RPAP1: variants seen among roughly 807,000 people sequenced by gnomAD.
The protein encoded by RPAP1 is RNA polymerase II associated protein 1, also known as RNA polymerase II-associated protein 1.
Under a neutral mutation model 142.4 loss-of-function variants are expected in RPAP1, and 109 were observed. The observed-to-expected ratio is 0.77, with a 90% CI of 0.66 to 0.90. RPAP1 has a LOEUF of 0.90. Ranked by LOEUF, RPAP1 falls within the 40% of genes least tolerant of loss-of-function variation. The pLI, the probability that RPAP1 is intolerant of heterozygous loss-of-function variation, is 0.00. For synonymous variants in RPAP1, 704 were observed against 738.9 expected, an observed-to-expected ratio of 0.95 and a Z score of 0.77; for missense variants, 1,546 against 1,751.7, an observed-to-expected ratio of 0.88 and a Z score of 2.10.
intron 1 of RPAP1, among the ~76,000 whole-genome samples, chr15:41,542,123 G>T (rs146104355): frequency 3.3e-5 from 5 of 152,268 alleles, no homozygotes; most frequent in East Asian, 3.9e-4. Context: ...GGTTCAAGGG[G>T]CTTACTGGGG....
At chr15:41,536,340 C>T (rs2051907005) in intron 3 of RPAP1, 122 bp from the exon 4 acceptor site, 1 of 1,298,380 alleles carries the variant, frequency 7.7e-7, no homozygotes, top group Non-Finnish European at 1.1e-6. Context: ...GGACCCTCCT[C>T]CCTTCAGGGC....
intron 1 of RPAP1, among the ~76,000 whole-genome samples, chr15:41,540,768 G>T (rs2051964743): frequency 6.6e-6 from 1 of 152,178 alleles, no homozygotes; most frequent in Admixed American, 6.5e-5. Flanking sequence ...TGGTGCCTGG[G>T]TGTCCTGGAA....
Position 41,529,537 on chromosome 15 carries a change from T to A in RPAP1, c.1091A>T (p.Glu364Val). The change falls in exon 9 of 25, where the codon GAA becomes GTA. Residue 364 changes from glutamate to valine, a missense_variant. Around this residue, in one of 3 missense-constraint regions of RPAP1, gnomAD observed 1,333 missense variants for 1,486.6 expected, o/e 0.90. Coordinates refer to ENST00000304330, the MANE Select transcript of RPAP1 (RefSeq NM_015540.4). Reference sequence around the variant, plus strand: ...CAGGTCCACGTCAGGGGCCAGTAGTTCTCCCTGAAGACTGAATCGAGCCTG... The same window carrying A: ...CAGGTCCACGTCAGGGGCCAGTAGTACTCCCTGAAGACTGAATCGAGCCTG... Reference protein sequence around the residue: ...RMQARFSLQGELLAPDVDLPT... With the variant: ...RMQARFSLQGVLLAPDVDLPT... 6.2e-7 allele frequency: 1 copy of A among 1,613,310 alleles called. No homozygotes were observed. Among genetic ancestry groups the A allele is most frequent in the Non-Finnish European group, 8.5e-7 (1 of 1,179,618 alleles).
rs540592502 is a variant in RPAP1, at chr15:41,538,176, G to A, written c.-76-975C>T. 1.4e-4 allele frequency among the ~76,000 whole-genome samples: 21 copies of A among 152,290 alleles called. No homozygotes were observed. The South Asian group carries it at 1.7e-3, about 12-fold the overall frequency. ...GAGAATGGCGTGAACCCGGGAGGCG[G>A]AGCTTGCAGTGATCTGAGATGGAGC... is the stretch of plus-strand genomic sequence containing the variant. On this transcript the variant is annotated intron_variant, in intron 1 of 24. Coordinates refer to ENST00000304330, the MANE Select transcript of RPAP1 (RefSeq NM_015540.4).
intron 1 of RPAP1, among the ~76,000 whole-genome samples, chr15:41,543,358 T>C (rs1419365189): frequency 1.3e-5 from 2 of 151,816 alleles, no homozygotes; most frequent in Non-Finnish European, 2.9e-5. Flanking sequence ...TACAGGCGCC[T>C]GCCACCACGC....
At chr15:41,529,592 G>A (rs765530901) in intron 8 of RPAP1, 24 bp from the exon 9 acceptor site, 3 of 1,541,180 alleles carry the variant, frequency 1.9e-6, no homozygotes, top group South Asian at 1.1e-5. Flanking sequence ...AAAGAGGACT[G>A]TGGTCTGGGG....
chr15:41,525,582 C>A, intron 14 of RPAP1, among the ~76,000 whole-genome samples: 2 of 152,002 alleles, frequency 1.3e-5, no homozygotes, highest in East Asian at 1.9e-4. Context: ...CGTGATTCAC[C>A]CACCTCGGCC....
chr15:41,525,595 C>T (rs1350645055), intron 14 of RPAP1, among the ~76,000 whole-genome samples: 2 of 152,008 alleles, frequency 1.3e-5, no homozygotes, highest in African/African-American at 2.4e-5. Flanking sequence ...CCTCGGCCTT[C>T]CAAAACGTTG....
Position 41,528,275 on chromosome 15 carries a change from C to A in RPAP1, c.1220G>T (p.Arg407Ile). 2 of 1,609,132 alleles carry A rather than the reference C, an allele frequency of 1.2e-6. No homozygotes were observed. The highest frequency in any genetic ancestry group is 2.2e-5 in the South Asian group (2 of 89,764). Reference sequence around the variant, plus strand: ...GGCTAACACATGCAGTGCCAGTGCTCTCTGCTGGGAAACCTGGCTGCGGGT... The same window carrying A: ...GGCTAACACATGCAGTGCCAGTGCTATCTGCTGGGAAACCTGGCTGCGGGT... ...HLTRSQVSQQ[R>I]ALALHVLAQV... The change falls in exon 10 of 25, where the codon AGA becomes ATA. Residue 407 changes from arginine to isoleucine, a missense_variant. Arg to Ile is a moderately conservative substitution (Grantham distance 97). This residue lies in a region of RPAP1 where 1,333 missense variants were observed against 1,486.6 expected (regional missense o/e 0.90). Coordinates refer to ENST00000304330, the MANE Select transcript of RPAP1 (RefSeq NM_015540.4).
intron 22 of RPAP1, chr15:41,519,778 C>T (rs2051704558): frequency 6.5e-6 from 1 of 153,518 alleles, no homozygotes; most frequent in South Asian, 2.0e-4. Context: ...TCTTTCCCTT[C>T]TCTGAATCCT....
Position 41,522,202 on chromosome 15 carries a change from A to G in RPAP1, c.2791T>C (p.Cys931Arg), listed in dbSNP as rs1254388487. The change falls in exon 20 of 25, where the codon TGT (cysteine) becomes CGT (arginine). Residue 931 changes from cysteine (C) to arginine (R), a missense_variant. This residue lies in a region of RPAP1 where 1,333 missense variants were observed against 1,486.6 expected (regional missense o/e 0.90). Coordinates refer to ENST00000304330, the MANE Select transcript of RPAP1 (RefSeq NM_015540.4). ...TGTGGGGCAGCCCCAGGAGCCACACACTGGAGGAAGTAATTCTGGAGTCCC... is the reference window on the plus strand; with the variant it reads ...TGTGGGGCAGCCCCAGGAGCCACACGCTGGAGGAAGTAATTCTGGAGTCCC... ...APGLQNYFLQ[C>R]VAPGAAPHLT... The G allele has an allele frequency of 6.2e-7, 1 of 1,614,100 alleles. No homozygotes were observed. Among genetic ancestry groups the G allele is most frequent in the East Asian group, 2.2e-5 (1 of 44,880 alleles).
chr15:41,541,406 G>C (rs1480946350), intron 1 of RPAP1, among the ~76,000 whole-genome samples: 1 of 144,388 alleles, frequency 6.9e-6, no homozygotes, highest in Non-Finnish European at 1.5e-5. Flanking sequence ...TTGGGTGACA[G>C]AGCTAGACTC....
At chr15:41,541,410 T>A (rs2051970882) in intron 1 of RPAP1, among the ~76,000 whole-genome samples, 1 of 125,244 alleles carries the variant, frequency 8.0e-6, no homozygotes, top group Admixed American at 8.8e-5. Flanking sequence ...GTGACAGAGC[T>A]AGACTCCATC....
intron 22 of RPAP1, 123 bp downstream of exon 22, chr15:41,520,268 C>T (rs1052055023): frequency 1.2e-5 from 13 of 1,091,486 alleles, no homozygotes; most frequent in African/African-American, 4.7e-5. Flanking sequence ...CTCTTAATCC[C>T]CTCAAAGCCC....
intron 6 of RPAP1, among the ~76,000 whole-genome samples, chr15:41,532,740 G>C (rs111943599): frequency 1.3e-5 from 2 of 152,034 alleles, no homozygotes; most frequent in Non-Finnish European, 2.9e-5. Flanking sequence ...CACTTCAGCA[G>C]GCCGAGGCAG....
intron 7 of RPAP1, among the ~76,000 whole-genome samples, 167 bp downstream of exon 7, chr15:41,530,856 G>A (rs547076797): frequency 1.7e-4 from 26 of 152,370 alleles, no homozygotes; most frequent in African/African-American, 6.0e-4. Context: ...TGTGCAGGAA[G>A]AAGACATGCA....
At chr15:41,543,925 C>T (rs924574577) in intron 1 of RPAP1, 18 of 152,346 alleles carry the variant, frequency 1.2e-4, no homozygotes, top group African/African-American at 4.1e-4. Flanking sequence ...TGCAGCCTAT[C>T]CTCCAGAGCC....
At position 41,517,461 on chromosome 15, in the gene RPAP1, A is replaced by G; in HGVS notation, c.*81T>C. 2 of 1,316,574 alleles carry G rather than the reference A, an allele frequency of 1.5e-6. No individual in the cohort carries two copies. Among genetic ancestry groups the G allele is most frequent in the Non-Finnish European group, 2.1e-6 (2 of 962,324 alleles). 81.6% of individuals were successfully genotyped at this position (1,316,574 alleles called of 1,614,324 possible). A position where few individuals can be genotyped will look rare whatever the true frequency, so the allele number is the denominator to read the frequency against. ...GGTCTCCTGCCTACCATTAGGACAC[A>G]ATGTTCTTCGTCTGGCCAGACATCT... On this transcript the variant is annotated 3_prime_UTR_variant, in exon 25 of 25. Coordinates refer to ENST00000304330, the MANE Select transcript of RPAP1 (RefSeq NM_015540.4).
rs368358437 is a variant in RPAP1 at position 41,523,270 on chromosome 15, G to T, written c.2521C>A (p.Leu841Met). The change falls in exon 18 of 25, where the codon CTG (leucine) becomes ATG (methionine). Residue 841 changes from leucine (L) to methionine (M), a missense_variant. Physicochemically the swap from Leu to Met is conservative, Grantham distance 15. Around this residue, in one of 3 missense-constraint regions of RPAP1, gnomAD observed 1,333 missense variants for 1,486.6 expected, o/e 0.90. Transcript: ENST00000304330. ...LLLPLLSQPT[L>M]GSLWDSLRHC... ...CTAAGGGAATCCCACAGGCTGCCCA[G>T]TGTGGGCTGACTCAGCAGTGGCAGC... 5 of 1,610,064 alleles carry T rather than the reference G, an allele frequency of 3.1e-6. No individual in the cohort carries two copies. The highest frequency in any genetic ancestry group is 4.2e-6 in the Non-Finnish European group (5 of 1,177,660).
Sources: allele counts gnomAD v4.1 joint callset (sites outside exome capture counted in the v4.1 genomes callset), GRCh38; gene constraint gnomAD v4.1.1; regional missense constraint gnomAD v4.1.1; transcripts MANE v1.5; gene names NCBI Gene and HGNC (gene_info 2026-07-23, HGNC 2026-07-21).